PXK: variants seen among roughly 807,000 people sequenced by gnomAD.
The protein encoded by PXK is PX domain-containing protein kinase-like protein.
A neutral mutation model predicts 84.7 loss-of-function variants in PXK; 35 were observed. That is an observed-to-expected ratio of 0.41 (90% confidence interval 0.32 to 0.55). The LOEUF (loss-of-function observed/expected upper bound fraction) is 0.55. Ranked by LOEUF, PXK falls within the 20% of genes least tolerant of loss-of-function variation. The pLI is 0.21. For synonymous variants in PXK, 253 were observed against 260.8 expected (o/e 0.97, Z 0.29); for missense variants, 634 against 699.7 (o/e 0.91, Z 1.06).
rs1222367419 is a variant in PXK at position 58,414,601 on chromosome 3, G to A, written c.1528+1638G>A. The A allele has an allele frequency of 7.0e-6, 1 of 142,818 alleles. No homozygotes were observed. The highest frequency in any genetic ancestry group is 1.6e-5 in the Non-Finnish European group (1 of 62,988). 8.8% of individuals were successfully genotyped at this position (142,818 alleles called of 1,614,324 possible). ...GTGGGAGGGGCATTCCTGTGAATTTGATAGCACCCAGCCTGAAGGGGAGTC... is the reference window on the plus strand; with the variant it reads ...GTGGGAGGGGCATTCCTGTGAATTTAATAGCACCCAGCCTGAAGGGGAGTC... On this transcript the variant is annotated intron_variant, in intron 17 of 17. Coordinates refer to ENST00000356151, the MANE Select transcript of PXK (RefSeq NM_017771.5). The surrounding 1 kb of genome is among the most constrained non-coding windows in gnomAD (Gnocchi z 4.5).
chr3:58,413,002 C>G, intron 17 of PXK, 39 bp downstream of exon 17: 1 of 1,597,210 alleles, frequency 6.3e-7, no homozygotes, highest in Non-Finnish European at 8.6e-7. Flanking sequence ...CCTTCCTGTC[C>G]GCCAACAGGA....
intron 2 of PXK, 142 bp from the exon 3 acceptor site, chr3:58,369,289 C>T: frequency 5.5e-6 from 3 of 548,728 alleles, no homozygotes; most frequent in Non-Finnish European, 9.4e-6. Flanking sequence ...AACAGTTAAG[C>T]ACCAGGTATA....
chr3:58,420,460 TA>T, intron 17 of PXK: 2 of 1,488,994 alleles, frequency 1.3e-6, no homozygotes, highest in Admixed American at 3.9e-5. Flanking sequence ...TGTCTGTTAC[TA>T]TTTGATTAAA....
In PXK at chr3:58,397,954, C is replaced by A. The variant is rs568499586; in HGVS notation, c.1102+232C>A. 1.3e-5 allele frequency among the ~76,000 whole-genome samples: 2 copies of A among 152,298 alleles called. No homozygotes were observed. Among genetic ancestry groups the A allele is most frequent in the East Asian group, 3.9e-4 (2 of 5,186 alleles). Reference sequence around the variant, plus strand: ...ATCTGAAATTTCTGGGAACTTTTTGCAAAATGCTTTAGAGCTTTGGAAGCA... The same window carrying A: ...ATCTGAAATTTCTGGGAACTTTTTGAAAAATGCTTTAGAGCTTTGGAAGCA... On this transcript the variant is annotated intron_variant, in intron 11 of 17. Transcript: ENST00000356151. This position sits in a 1 kb window ranked among gnomAD's most constrained non-coding sequence, Gnocchi z 4.7.
rs138378458 is a variant in PXK, at chr3:58,421,451, C to T, written c.1529-3301C>T. ...CAAAAATTAGGTGGGCATGGTACCA[C>T]GCGCCTGTAATCCCAGCTACTCGGG... On this transcript the variant is annotated intron_variant, in intron 17 of 17. Coordinates refer to ENST00000356151, the MANE Select transcript of PXK (RefSeq NM_017771.5). This position sits in a 1 kb window ranked among gnomAD's most constrained non-coding sequence, Gnocchi z 5.5. 210 of 769,000 alleles carry T rather than the reference C, an allele frequency of 2.7e-4. 1 individual carries two copies. In the African/African-American group the frequency reaches 3.6e-3, roughly 13 times the overall value. 47.6% of individuals were successfully genotyped at this position (769,000 alleles called of 1,614,324 possible).
In PXK at chr3:58,364,558, A is replaced by C. The variant is rs2098241989; in HGVS notation, c.103-1316A>C. On this transcript the variant is annotated intron_variant, in intron 1 of 17. Transcript: ENST00000356151. The surrounding 1 kb of genome is among the most constrained non-coding windows in gnomAD (Gnocchi z 4.3). The stretch of plus-strand genomic sequence containing the variant: ...GAAACCCCATCTCCGCTAAAAACAC[A>C]AAAATTAGCCGGGAACAGTGGCAGG... Among the ~76,000 whole-genome samples, 1 of 152,148 alleles carries C rather than the reference A, an allele frequency of 6.6e-6. No individual in the cohort carries two copies. The highest frequency in any genetic ancestry group is 2.4e-5 in the African/African-American group (1 of 41,436).
In PXK at chr3:58,421,741, G is replaced by A. The variant is rs2061899053; in HGVS notation, c.1529-3011G>A. On this transcript the variant is annotated intron_variant, in intron 17 of 17. Transcript: ENST00000356151. The surrounding 1 kb of genome is among the most constrained non-coding windows in gnomAD (Gnocchi z 5.5). Reference sequence around the variant, plus strand: ...CTGCTGGACTGCCAGGTTCCCGTGTGGTTTGGTGGAGAAGATTTTGGGGTG... The same window carrying A: ...CTGCTGGACTGCCAGGTTCCCGTGTAGTTTGGTGGAGAAGATTTTGGGGTG... 1 of 985,448 alleles carries A rather than the reference G, an allele frequency of 1.0e-6. No individual in the cohort carries two copies. The highest frequency in any genetic ancestry group is 1.2e-6 in the Non-Finnish European group (1 of 829,946). 61.0% of individuals were successfully genotyped at this position (985,448 alleles called of 1,614,324 possible). A position where few individuals can be genotyped will look rare whatever the true frequency, so the allele number is the denominator to read the frequency against.
intron 17 of PXK, among the ~76,000 whole-genome samples, chr3:58,418,628 G>A (rs56398717): frequency 0.3 from 45,079 of 151,948 alleles, 7,440 homozygotes; most frequent in Middle Eastern, 0.39. Flanking sequence ...TTTAAAAGAC[G>A]TCTCGCTCTT....
intron 2 of PXK, among the ~76,000 whole-genome samples, chr3:58,367,353 T>TC (rs1411201166): frequency 1.3e-5 from 2 of 152,062 alleles, no homozygotes; most frequent in Non-Finnish European, 2.9e-5. Flanking sequence ...CACGCCATTC[T>TC]CCTGCCTTAG....
chr3:58,396,221 G>A (rs991706111), intron 9 of PXK, among the ~76,000 whole-genome samples: 1 of 152,046 alleles, frequency 6.6e-6, no homozygotes, highest in South Asian at 2.1e-4. Flanking sequence ...CCAATGTTAT[G>A]TCTATTTAAC....
chr3:58,355,041 C>A (rs983470005), intron 1 of PXK, among the ~76,000 whole-genome samples: 2 of 151,642 alleles, frequency 1.3e-5, no homozygotes, highest in Admixed American at 6.6e-5. Context: ...ATCGCTTGAA[C>A]CTGGGAGACA....
In PXK at chr3:58,400,551, G is replaced by C. The variant is rs2058398474; in HGVS notation, c.1181+1174G>C. 6.6e-6 allele frequency among the ~76,000 whole-genome samples: 1 copy of C among 152,222 alleles called. No individual in the cohort carries two copies. Among genetic ancestry groups the C allele is most frequent in the African/African-American group, 2.4e-5 (1 of 41,456 alleles). On this transcript the variant is annotated intron_variant, in intron 12 of 17. Transcript: ENST00000356151. The surrounding 1 kb of genome is among the most constrained non-coding windows in gnomAD (Gnocchi z 4.0). ...GAGGAAACCAAGCCCCTGCCCCGTGGATGTGACATTCTACTGTTCCACAGA... is the reference window on the plus strand; with the variant it reads ...GAGGAAACCAAGCCCCTGCCCCGTGCATGTGACATTCTACTGTTCCACAGA...
rs2097920196 is a variant in PXK, at chr3:58,351,395, T to TGTGTG, written c.103-14479_103-14478insGTGTG. On this transcript the variant is annotated intron_variant, in intron 1 of 17. Transcript: ENST00000356151. ...GGTGTGCGCCACCACAGCTAGCTAT[T>TGTGTG]TGTGTGTGTGTGTGTGTGTGTGTGT... Among the ~76,000 whole-genome samples, 6 of 140,688 alleles carry TGTGTG rather than the reference T, an allele frequency of 4.3e-5. No homozygotes were observed. The South Asian group carries it at 1.4e-3, about 33-fold the overall frequency. The allele number at this position is 140,688 out of a possible 152,430, so 92.3% of individuals were successfully genotyped here. A position where few individuals can be genotyped will look rare whatever the true frequency, so the allele number is the denominator to read the frequency against.
intron 17 of PXK, chr3:58,422,456 C>G (rs373561727): frequency 2.0e-6 from 2 of 985,322 alleles, no homozygotes; most frequent in East Asian, 1.1e-4. Flanking sequence ...CCTGTCCTTT[C>G]GTTCCATCTG....
intron 17 of PXK, among the ~76,000 whole-genome samples, chr3:58,415,837 A>T (rs1338734562): frequency 6.6e-6 from 1 of 152,210 alleles, no homozygotes; most frequent in Non-Finnish European, 1.5e-5. Flanking sequence ...AGGAAAACAG[A>T]AGCTACAGGC....
chr3:58,336,568 G>A (rs2097616215), intron 1 of PXK, among the ~76,000 whole-genome samples: 1 of 152,136 alleles, frequency 6.6e-6, no homozygotes, highest in Non-Finnish European at 1.5e-5. Flanking sequence ...AAGGAATTCT[G>A]GTGAAAAGCC....
In PXK at chr3:58,407,377, T is replaced by C. The variant is rs867837387; in HGVS notation, c.1231-1547T>C. ...TCTTTAGAGAAATGTCTATGTCTTT[T>C]GCCTCTTTTTAATTGGGTTACTTAT... is the stretch of plus-strand genomic sequence containing the variant. On this transcript the variant is annotated intron_variant, in intron 13 of 17. Transcript: ENST00000356151. This position sits in a 1 kb window ranked among gnomAD's most constrained non-coding sequence, Gnocchi z 4.3. Among the ~76,000 whole-genome samples the C allele has an allele frequency of 6.6e-6, 1 of 152,184 alleles. No homozygotes were observed. Among genetic ancestry groups the C allele is most frequent in the East Asian group, 1.9e-4 (1 of 5,200 alleles).
rs544615011 is a variant in PXK at position 58,409,390 on chromosome 3, C to T, written c.1309-142C>T. On this transcript the variant is annotated intron_variant, in intron 14 of 17. Coordinates refer to ENST00000356151, the MANE Select transcript of PXK (RefSeq NM_017771.5). The surrounding 1 kb of genome is among the most constrained non-coding windows in gnomAD (Gnocchi z 4.2). ...TACTCCTCTACCTGGCATCCAGACC[C>T]GAGCCAGGAAGTAGACAGCCTGAGC... 9.1e-5 allele frequency: 72 copies of T among 791,466 alleles called. No individual in the cohort carries two copies. The highest frequency in any genetic ancestry group is 1.3e-4 in the Non-Finnish European group (63 of 478,014). 49.0% of individuals were successfully genotyped at this position (791,466 alleles called of 1,614,324 possible).
rs2097540287 is a variant in PXK at position 58,333,799 on chromosome 3, T to C, written c.102+709T>C. On this transcript the variant is annotated intron_variant, in intron 1 of 17. Coordinates refer to ENST00000356151, the MANE Select transcript of PXK (RefSeq NM_017771.5). This position sits in a 1 kb window ranked among gnomAD's most constrained non-coding sequence, Gnocchi z 5.4. The stretch of plus-strand genomic sequence containing the variant: ...GAGTAATAGGTCCTCATAGTAAACA[T>C]TGGCAGGGTTCATTTCTGCTACATA... Among the ~76,000 whole-genome samples the C allele has an allele frequency of 6.6e-6, 1 of 152,116 alleles. No individual in the cohort carries two copies. The highest frequency in any genetic ancestry group is 2.1e-4 in the South Asian group (1 of 4,824).
Sources: gnomAD v4.1 joint callset for allele counts (sites outside exome capture counted in the v4.1 genomes callset) on GRCh38, gnomAD v4.1.1 for gene constraint, Gnocchi (gnomAD v3.1) non-coding constraint, MANE v1.5 for transcripts, NCBI Gene and HGNC (gene_info 2026-07-23, HGNC 2026-07-21) for gene names.